The following PCED1B variants were observed in gnomAD, a reference collection of about 807,000 sequenced individuals.
The protein encoded by PCED1B is PC-esterase domain-containing protein 1B.
For missense variants in PCED1B, 573 were observed against 573.9 expected (o/e 1.00, Z 0.02); for synonymous variants, 251 against 246.1 (o/e 1.02, Z -0.19).
intron 2 of PCED1B, among the ~76,000 whole-genome samples, chr12:47,194,826 G>T (rs1048978768): frequency 2.0e-5 from 3 of 152,174 alleles, no homozygotes; most frequent in African/African-American, 7.2e-5. Flanking sequence ...GGCTAAATTC[G>T]AGAGTAAATG....
At chr12:47,163,171 C>T (rs534825869) in intron 2 of PCED1B, among the ~76,000 whole-genome samples, 2 of 152,006 alleles carry the variant, frequency 1.3e-5, no homozygotes, top group African/African-American at 2.4e-5. Flanking sequence ...GTATTTAATT[C>T]TTTTTGATGC....
chr12:47,228,168 G>A (rs1396555146), intron 3 of PCED1B, among the ~76,000 whole-genome samples: 1 of 151,774 alleles, frequency 6.6e-6, no homozygotes, highest in African/African-American at 2.4e-5. Flanking sequence ...CTAAGTAGCT[G>A]GGATTACAGG....
At chr12:47,187,045 G>A (rs572529801) in intron 2 of PCED1B, among the ~76,000 whole-genome samples, 2 of 152,312 alleles carry the variant, frequency 1.3e-5, no homozygotes, top group East Asian at 3.9e-4. Flanking sequence ...AAGGGAAAAT[G>A]GCTCTTGGGG....
chr12:47,128,405 C>T (rs1378175284), intron 2 of PCED1B, among the ~76,000 whole-genome samples: 4 of 152,114 alleles, frequency 2.6e-5, no homozygotes, highest in Non-Finnish European at 5.9e-5. Context: ...CTCTGGGCCG[C>T]CTTACTCTTC....
intron 1 of PCED1B, among the ~76,000 whole-genome samples, chr12:47,080,517 G>A (rs1386807621): frequency 6.6e-6 from 1 of 152,162 alleles, no homozygotes; most frequent in East Asian, 1.9e-4. Context: ...GAGGGAAGTC[G>A]GGAACGTTTC....
At chr12:47,162,117 G>A (rs542021748) in intron 2 of PCED1B, among the ~76,000 whole-genome samples, 43 of 151,124 alleles carry the variant, frequency 2.8e-4, no homozygotes, top group African/African-American at 9.8e-4. Flanking sequence ...CTGTTGTGGG[G>A]TGGTGGGGGG....
chr12:47,152,327 A>G (rs1941023333), intron 2 of PCED1B, among the ~76,000 whole-genome samples: 1 of 152,118 alleles, frequency 6.6e-6, no homozygotes, highest in Non-Finnish European at 1.5e-5. Context: ...TATTGACATC[A>G]CACACCTCCT....
At chr12:47,231,841 G>A (rs566675358) in intron 3 of PCED1B, among the ~76,000 whole-genome samples, 4 of 152,236 alleles carry the variant, frequency 2.6e-5, no homozygotes, top group African/African-American at 9.6e-5. Context: ...GCCCAGGGAA[G>A]GCACATCGAG....
At chr12:47,150,225 G>A (rs1171048383) in intron 2 of PCED1B, among the ~76,000 whole-genome samples, 1 of 152,098 alleles carries the variant, frequency 6.6e-6, no homozygotes, top group African/African-American at 2.4e-5. Context: ...AGATCAGGGA[G>A]TATGACAGTA....
intron 2 of PCED1B, among the ~76,000 whole-genome samples, chr12:47,115,400 AT>A (rs1277283502): frequency 1.3e-5 from 2 of 152,002 alleles, no homozygotes; most frequent in Non-Finnish European, 2.9e-5. Context: ...TGGACCCTTC[AT>A]TTTGTACTTT....
rs981564790 is a variant in PCED1B, at chr12:47,119,651, G to A, written c.-526+15456G>A. ...GTTTGCAATCTGGCAAGAGACTTAT[G>A]TCCAGAATATATATGAACTCCTACA... On this transcript the variant is annotated intron_variant, in intron 2 of 3. Coordinates refer to ENST00000546455, the MANE Select transcript of PCED1B (RefSeq NM_138371.3). 7.9e-5 allele frequency among the ~76,000 whole-genome samples: 12 copies of A among 151,956 alleles called. No individual in the cohort carries two copies. In the Middle Eastern group the frequency reaches 0.01, roughly 130 times the overall value.
At chr12:47,134,127 A>G (rs1940246441) in intron 2 of PCED1B, among the ~76,000 whole-genome samples, 1 of 152,226 alleles carries the variant, frequency 6.6e-6, no homozygotes, top group Admixed American at 6.5e-5. Context: ...TGATGTGAAT[A>G]ATCAATCCAG....
chr12:47,173,950 G>T (rs1244394162), intron 2 of PCED1B, among the ~76,000 whole-genome samples: 2 of 152,190 alleles, frequency 1.3e-5, no homozygotes, highest in African/African-American at 4.8e-5. Flanking sequence ...GTATGCAAAA[G>T]TGTCTAGCAT....
chr12:47,116,782 G>A (rs1488388929), intron 2 of PCED1B, among the ~76,000 whole-genome samples: 1 of 152,078 alleles, frequency 6.6e-6, no homozygotes, highest in Non-Finnish European at 1.5e-5. Context: ...ACCACTGCAA[G>A]TCTAGGAAGA....
intron 2 of PCED1B, among the ~76,000 whole-genome samples, chr12:47,200,287 T>C (rs368829449): frequency 2.6e-5 from 4 of 152,028 alleles, no homozygotes; most frequent in African/African-American, 9.7e-5. Context: ...GCAAAAGACC[T>C]GAATAGACAC....
chr12:47,217,444 G>GAAAGAAAGAA (rs770323431), intron 3 of PCED1B, among the ~76,000 whole-genome samples: 24,154 of 79,302 alleles, frequency 0.3, 5,232 homozygotes, highest in African/African-American at 0.58. Context: ...AAAAAAGAAA[G>GAAAGAAAGAA]AAAGAAAGAA....
intron 2 of PCED1B, among the ~76,000 whole-genome samples, chr12:47,196,449 A>C (rs1942604606): frequency 6.6e-6 from 1 of 152,280 alleles, no homozygotes; most frequent in Non-Finnish European, 1.5e-5. Context: ...CCTGACATAC[A>C]GTAAATGCTC....
Position 47,145,831 on chromosome 12 carries a change from A to G in PCED1B, c.-526+41636A>G, listed in dbSNP as rs562803749. 3.9e-5 allele frequency among the ~76,000 whole-genome samples: 6 copies of G among 152,340 alleles called. No individual in the cohort carries two copies. The South Asian group carries it at 1.2e-3, about 32-fold the overall frequency. ...CTGATGGAGATGTGCAAGGAGATAA[A>G]TGTTGTTTCATGCCTGCTAATACAA... On this transcript the variant is annotated intron_variant, in intron 2 of 3. Transcript: ENST00000546455.
chr12:47,202,057 A>C (rs1280648817), intron 2 of PCED1B, among the ~76,000 whole-genome samples: 2 of 152,236 alleles, frequency 1.3e-5, no homozygotes, highest in Non-Finnish European at 1.5e-5. Context: ...TGTTACAAAT[A>C]TACAGTTATC....
Sources: gnomAD v4.1 joint callset for allele counts (sites outside exome capture counted in the v4.1 genomes callset) on GRCh38, gnomAD v4.1.1 for gene constraint, MANE v1.5 for transcripts, NCBI Gene and HGNC (gene_info 2026-07-23, HGNC 2026-07-21) for gene names.